CDH12: variants seen among roughly 807,000 people sequenced by gnomAD.
CDH12 encodes the protein cadherin-12.
CDH12 carries 41 observed loss-of-function variants against 74.1 expected under a neutral mutation model. That is an observed-to-expected ratio of 0.55 (90% confidence interval 0.43 to 0.72). The LOEUF (loss-of-function observed/expected upper bound fraction) is 0.72. Ranked by LOEUF, CDH12 falls within the 30% of genes least tolerant of loss-of-function variation. The probability of loss-of-function intolerance (pLI) is 0.00; values close to 1 mark genes in which losing one functional copy is unlikely to be tolerated. For missense variants in CDH12, 945 were observed against 977.2 expected (o/e 0.97, Z 0.44); for synonymous variants, 399 against 355.0 (o/e 1.12, Z -1.39).
At chr5:22,753,872 C>A (rs1272229572) in intron 1 of CDH12, among the ~76,000 whole-genome samples, 2 of 151,910 alleles carry the variant, frequency 1.3e-5, no homozygotes, top group African/African-American at 2.4e-5. Context: ...CTAACAAAAA[C>A]CAAAGAAATA....
At chr5:22,065,692 C>T (rs1298490562) in intron 5 of CDH12, among the ~76,000 whole-genome samples, 2 of 152,164 alleles carry the variant, frequency 1.3e-5, no homozygotes, top group Admixed American at 6.6e-5. Context: ...CCAGTGATCA[C>T]TCAGCTCTCT....
chr5:21,802,745 C>T (rs749165249), intron 9 of CDH12, among the ~76,000 whole-genome samples: 1 of 151,862 alleles, frequency 6.6e-6, no homozygotes, highest in Admixed American at 6.6e-5. Context: ...GCGCCCGCCA[C>T]CATGCCTGGC....
chr5:22,317,417 C>T (rs2968383), intron 3 of CDH12, among the ~76,000 whole-genome samples: 81,828 of 151,898 alleles, frequency 0.54, 22,458 homozygotes, highest in Non-Finnish European at 0.6. Flanking sequence ...ATATTATGCA[C>T]ATATAAACAC....
At chr5:22,839,722 A>G (rs920403151) in intron 1 of CDH12, among the ~76,000 whole-genome samples, 1 of 152,192 alleles carries the variant, frequency 6.6e-6, no homozygotes, top group Non-Finnish European at 1.5e-5. Flanking sequence ...CAACTTAACT[A>G]CAAACCCAGA....
intron 3 of CDH12, among the ~76,000 whole-genome samples, chr5:22,272,118 G>A (rs1279645178): frequency 2.0e-5 from 3 of 152,146 alleles, no homozygotes; most frequent in Non-Finnish European, 4.4e-5. Context: ...AAAATATATT[G>A]TTTAGTGTAA....
chr5:22,279,608 C>A (rs1205937414), intron 3 of CDH12, among the ~76,000 whole-genome samples: 1 of 151,936 alleles, frequency 6.6e-6, no homozygotes, highest in Non-Finnish European at 1.5e-5. Context: ...TTCCCACCTA[C>A]GAGTGAGAAC....
At chr5:22,584,946 T>G (rs1338053053) in intron 1 of CDH12, among the ~76,000 whole-genome samples, 1 of 152,152 alleles carries the variant, frequency 6.6e-6, no homozygotes, top group Non-Finnish European at 1.5e-5. Context: ...TTAAAAAAAT[T>G]TACTACTAAA....
At chr5:22,624,998 A>G (rs907063188) in intron 1 of CDH12, among the ~76,000 whole-genome samples, 2 of 152,188 alleles carry the variant, frequency 1.3e-5, no homozygotes, top group African/African-American at 4.8e-5. Context: ...GGGTGAGTTC[A>G]TGTCCTTTGT....
At chr5:22,527,382 T>C (rs879667537) in intron 1 of CDH12, among the ~76,000 whole-genome samples, 13 of 152,146 alleles carry the variant, frequency 8.5e-5, no homozygotes, top group Non-Finnish European at 1.8e-4. Flanking sequence ...CTAAAAACTT[T>C]GCTGCTTTTA....
chr5:21,987,507 A>G (rs1757567974), intron 5 of CDH12, among the ~76,000 whole-genome samples: 1 of 152,182 alleles, frequency 6.6e-6, no homozygotes, highest in African/African-American at 2.4e-5. Flanking sequence ...TCATCTGAAA[A>G]AGACAAAGAT....
intron 6 of CDH12, among the ~76,000 whole-genome samples, chr5:21,965,803 C>A (rs1426714122): frequency 6.6e-6 from 1 of 151,834 alleles, no homozygotes; most frequent in Non-Finnish European, 1.5e-5. Context: ...AATGAGGCAA[C>A]CAAATATGAA....
rs1746719926 is a variant in CDH12 at position 22,488,867 on chromosome 5, G to T, written c.-428+16403C>A. Reference sequence around the variant, plus strand: ...GCCAATACTGGTACTTCCCTATGTTGTCCCATGTGGCATGGCATGGCCCTG... The same window carrying T: ...GCCAATACTGGTACTTCCCTATGTTTTCCCATGTGGCATGGCATGGCCCTG... On this transcript the variant is annotated intron_variant, in intron 2 of 14. Coordinates refer to ENST00000382254, the MANE Select transcript of CDH12 (RefSeq NM_004061.5). 2.6e-5 allele frequency among the ~76,000 whole-genome samples: 4 copies of T among 151,812 alleles called. 1 individual carries two copies. In the South Asian group the frequency reaches 8.3e-4, roughly 32 times the overall value.
intron 2 of CDH12, among the ~76,000 whole-genome samples, chr5:22,470,378 G>T (rs1412587202): frequency 6.8e-6 from 1 of 146,440 alleles, no homozygotes; most frequent in Non-Finnish European, 1.5e-5. Context: ...TCCATTTAAT[G>T]AATGATTGTT....
At chr5:22,604,519 G>A (rs1276267456) in intron 1 of CDH12, among the ~76,000 whole-genome samples, 1 of 152,016 alleles carries the variant, frequency 6.6e-6, no homozygotes, top group African/African-American at 2.4e-5. Flanking sequence ...ACTTTAAAAG[G>A]GAAGGATATT....
intron 5 of CDH12, among the ~76,000 whole-genome samples, chr5:22,010,835 T>A (rs10064666): frequency 0.22 from 34,132 of 152,044 alleles, 3,964 homozygotes; most frequent in South Asian, 0.33. Flanking sequence ...TATGTGTTCT[T>A]TTCTCCATGA....
intron 9 of CDH12, among the ~76,000 whole-genome samples, chr5:21,803,642 G>T (rs1470108089): frequency 6.6e-6 from 1 of 152,070 alleles, no homozygotes; most frequent in African/African-American, 2.4e-5. Context: ...AAGGTCAATG[G>T]CTCTGGCCTC....
chr5:22,127,506 G>T (rs1745949448), intron 4 of CDH12, among the ~76,000 whole-genome samples: 1 of 149,642 alleles, frequency 6.7e-6, no homozygotes, highest in African/African-American at 2.5e-5. Flanking sequence ...AGAAAAGTAG[G>T]TGAAAAGAAG....
intron 3 of CDH12, among the ~76,000 whole-genome samples, chr5:22,268,292 T>C (rs150065991): frequency 4.9e-4 from 75 of 152,230 alleles, no homozygotes; most frequent in Admixed American, 1.5e-3. Flanking sequence ...TGTACATAAA[T>C]TTATATATAC....
At chr5:22,285,474 T>G (rs1454217290) in intron 3 of CDH12, among the ~76,000 whole-genome samples, 1 of 152,160 alleles carries the variant, frequency 6.6e-6, no homozygotes, top group Non-Finnish European at 1.5e-5. Flanking sequence ...TTAAAAATGC[T>G]ATGCTGAGCC....
Sources: allele counts gnomAD v4.1 joint callset (sites outside exome capture counted in the v4.1 genomes callset), GRCh38; gene constraint gnomAD v4.1.1; transcripts MANE v1.5; gene names NCBI Gene and HGNC (gene_info 2026-07-23, HGNC 2026-07-21).